Variants in CSMD1 observed in about 807,000 individuals in gnomAD.
CSMD1 encodes the protein CUB and Sushi multiple domains 1.
CSMD1 carries 213 observed loss-of-function variants against 417.5 expected under a neutral mutation model. That is an observed-to-expected ratio of 0.51 (90% CI 0.46 to 0.57). The LOEUF (loss-of-function observed/expected upper bound fraction) is 0.57, where lower values mean the gene tolerates loss of function less well. Among genes scored for constraint, CSMD1 ranks in the 20% least tolerant of loss-of-function variants. The pLI is 0.00. For missense variants in CSMD1, 6,923 were observed against 4,529.7 expected (o/e 1.53, Z -15.17); for synonymous variants, 2,862 against 1,736.8 (o/e 1.65, Z -16.11).
At chr8:3,483,238 A>G (rs565865889) in intron 11 of CSMD1, among the ~76,000 whole-genome samples, 1 of 152,240 alleles carries the variant, frequency 6.6e-6, no homozygotes, top group African/African-American at 2.4e-5. Context: ...GAAAGTCAGA[A>G]AAAGAGAAAG....
At chr8:4,820,744 G>C (rs1799476644) in intron 1 of CSMD1, among the ~76,000 whole-genome samples, 1 of 152,066 alleles carries the variant, frequency 6.6e-6, no homozygotes, top group Admixed American at 6.5e-5. Context: ...TTTGCATTCA[G>C]GCATAAAGAC....
intron 3 of CSMD1, among the ~76,000 whole-genome samples, chr8:4,309,949 G>T (rs1055285574): frequency 6.6e-6 from 1 of 152,134 alleles, no homozygotes; most frequent in Admixed American, 6.5e-5. Flanking sequence ...GTCGATTATA[G>T]TTACCCCTAT....
chr8:4,493,537 A>G (rs1041570294), intron 2 of CSMD1, among the ~76,000 whole-genome samples: 3 of 151,988 alleles, frequency 2.0e-5, no homozygotes, highest in Non-Finnish European at 2.9e-5. Context: ...CTCTACGAAA[A>G]CATTTTTAAA....
At chr8:4,032,233 T>A (rs1797386407) in intron 3 of CSMD1, 134 bp from the exon 4 acceptor site, 1 of 622,756 alleles carries the variant, frequency 1.6e-6, no homozygotes, top group Non-Finnish European at 2.7e-6. Flanking sequence ...TATTAATTGT[T>A]GCTAAAAAAT....
At chr8:3,401,913 T>C (rs1563350130) in intron 15 of CSMD1, among the ~76,000 whole-genome samples, 2 of 151,366 alleles carry the variant, frequency 1.3e-5, no homozygotes, top group Admixed American at 1.3e-4. Context: ...AAAGCAAATA[T>C]ACCAATGAGC....
chr8:4,269,009 A>T (rs1804400561), intron 3 of CSMD1, among the ~76,000 whole-genome samples: 1 of 152,192 alleles, frequency 6.6e-6, no homozygotes, highest in Admixed American at 6.5e-5. Flanking sequence ...CTGATTGCAA[A>T]GTAAAATACA....
chr8:4,865,669 A>T (rs1802383962), intron 1 of CSMD1, among the ~76,000 whole-genome samples: 1 of 151,808 alleles, frequency 6.6e-6, no homozygotes, highest in Admixed American at 6.6e-5. Flanking sequence ...TTATTTTTAT[A>T]ATCATTGGGA....
At chr8:3,598,809 G>A (rs1048192158) in intron 8 of CSMD1, among the ~76,000 whole-genome samples, 3 of 152,160 alleles carry the variant, frequency 2.0e-5, no homozygotes, top group East Asian at 1.9e-4. Flanking sequence ...TGGGCCAGGT[G>A]CAGTGACTCA....
At chr8:3,667,124 C>A (rs540658381) in intron 7 of CSMD1, among the ~76,000 whole-genome samples, 13 of 152,184 alleles carry the variant, frequency 8.5e-5, no homozygotes, top group South Asian at 6.2e-4. Context: ...AGGGATACAC[C>A]AGTTTGGGAG....
intron 5 of CSMD1, among the ~76,000 whole-genome samples, chr8:3,785,680 G>T (rs1799419402): frequency 6.6e-6 from 1 of 152,150 alleles, no homozygotes; most frequent in Admixed American, 6.5e-5. Flanking sequence ...GGTGAGTGTG[G>T]GCTGTGTGCA....
chr8:3,438,856 C>G (rs939645723), intron 12 of CSMD1, among the ~76,000 whole-genome samples: 1 of 151,798 alleles, frequency 6.6e-6, no homozygotes, highest in Admixed American at 6.6e-5. Flanking sequence ...TGGCTTGCAC[C>G]TGTAATCCCA....
chr8:3,966,499 C>A (rs1585046593), intron 5 of CSMD1, among the ~76,000 whole-genome samples: 1 of 152,040 alleles, frequency 6.6e-6, no homozygotes, highest in South Asian at 2.1e-4. Flanking sequence ...TTGGGAGAAA[C>A]AGGAGAATCA....
chr8:3,080,983 T>A (rs1240506595), intron 49 of CSMD1, among the ~76,000 whole-genome samples: 2 of 152,182 alleles, frequency 1.3e-5, no homozygotes, highest in Non-Finnish European at 2.9e-5. Flanking sequence ...CAATTCTAAA[T>A]AATCTTTAAA....
At chr8:2,963,459 CG>C in intron 59 of CSMD1, 64 bp from the exon 60 acceptor site, 12 of 1,510,580 alleles carry the variant, frequency 7.9e-6, no homozygotes, top group Non-Finnish European at 1.1e-5. Context: ...GATGTTCAAA[CG>C]ATTCCCATTT....
intron 1 of CSMD1, among the ~76,000 whole-genome samples, chr8:4,675,413 G>T (rs865780978): frequency 1.3e-5 from 2 of 152,098 alleles, no homozygotes; most frequent in South Asian, 4.1e-4. Context: ...CTGGCTGACT[G>T]TTTTTGTCAT....
chr8:4,402,146 C>T (rs1042528883), intron 3 of CSMD1, among the ~76,000 whole-genome samples: 4 of 152,110 alleles, frequency 2.6e-5, no homozygotes, highest in Non-Finnish European at 4.4e-5. Context: ...GTCATATGGT[C>T]AGAGACCAGC....
intron 5 of CSMD1, among the ~76,000 whole-genome samples, chr8:3,921,630 G>A (rs1372124471): frequency 1.3e-5 from 2 of 151,516 alleles, no homozygotes; most frequent in South Asian, 2.1e-4. Context: ...TTTCCCTTTT[G>A]ATTTCTTCCT....
At chr8:4,852,570 A>C (rs1254169961) in intron 1 of CSMD1, among the ~76,000 whole-genome samples, 1 of 152,140 alleles carries the variant, frequency 6.6e-6, no homozygotes, top group African/African-American at 2.4e-5. Flanking sequence ...AAAACAGCCT[A>C]ATACAGAAAA....
At chr8:4,820,190 C>T (rs973263533) in intron 1 of CSMD1, among the ~76,000 whole-genome samples, 5 of 152,112 alleles carry the variant, frequency 3.3e-5, no homozygotes, top group Non-Finnish European at 7.4e-5. Flanking sequence ...TAGGCAGCAT[C>T]CTCTCTTGGC....
Sources: gnomAD v4.1 joint callset for allele counts (sites outside exome capture counted in the v4.1 genomes callset) on GRCh38, gnomAD v4.1.1 for gene constraint, MANE v1.5 for transcripts, NCBI Gene and HGNC (gene_info 2026-07-23, HGNC 2026-07-21) for gene names.